Variants in LPA observed in about 807,000 individuals in gnomAD.
The protein encoded by LPA is apolipoprotein(a).
Under a neutral mutation model 197.9 loss-of-function variants are expected in LPA, and 199 were observed. The ratio of observed to expected loss-of-function variants is 1.01; its 90% CI spans 0.90 to 1.13. The LOEUF is 1.13. LPA is among the 50% of genes most tolerant of loss of function. LPA has a pLI of 0.00. For missense variants in LPA, 1,853 were observed against 1,785.8 expected (o/e 1.04, Z -0.68); for synonymous variants, 715 against 639.5 (o/e 1.12, Z -1.78).
At chr6:160,545,072 C>T (rs1287160366) in intron 33 of LPA, among the ~76,000 whole-genome samples, 1 of 151,898 alleles carries the variant, frequency 6.6e-6, no homozygotes, top group Admixed American at 6.6e-5. Flanking sequence ...TTCTCAGCTG[C>T]AGAAGAGGAC....
intron 16 of LPA, among the ~76,000 whole-genome samples, chr6:160,609,644 A>G (rs981097000): frequency 5.3e-5 from 8 of 151,984 alleles, no homozygotes; most frequent in African/African-American, 1.9e-4. Context: ...ATCTACTCCA[A>G]ACTCCCTTGC....
At chr6:160,553,950 TGTGTGCGCGCGCGCGC>T (rs1358224602) in intron 30 of LPA, among the ~76,000 whole-genome samples, 3 of 120,842 alleles carry the variant, frequency 2.5e-5, no homozygotes, top group African/African-American at 1.1e-4. Context: ...TGTGTGTGTG[TGTGTGCGCGCGCGCGC>T]GTGTGCGTGT....
intron 2 of LPA, among the ~76,000 whole-genome samples, chr6:160,648,165 G>T (rs1779937209): frequency 6.6e-6 from 1 of 152,072 alleles, no homozygotes; most frequent in African/African-American, 2.4e-5. Flanking sequence ...ATTCTTTTGT[G>T]TCCAGGTTGC....
At chr6:160,634,828 A>C (rs1476036466) in intron 7 of LPA, among the ~76,000 whole-genome samples, 2 of 150,432 alleles carry the variant, frequency 1.3e-5, no homozygotes, top group African/African-American at 2.5e-5. Context: ...ACAGCACGTT[A>C]CAATAAAAAT....
intron 1 of LPA, among the ~76,000 whole-genome samples, chr6:160,659,126 C>T (rs1214017824): frequency 6.6e-6 from 1 of 152,134 alleles, no homozygotes; most frequent in Non-Finnish European, 1.5e-5. Context: ...GGATCCAGCA[C>T]AGGAGAAAGA....
At chr6:160,609,907 A>T (rs567186820) in intron 16 of LPA, among the ~76,000 whole-genome samples, 13 of 152,148 alleles carry the variant, frequency 8.5e-5, no homozygotes, top group African/African-American at 3.1e-4. Context: ...TGAAACATCT[A>T]AATTTTTCAG....
Position 160,591,203 on chromosome 6 carries a change from T to C in LPA, c.3630-102A>G. 7 of 1,441,756 alleles carry C rather than the reference T, an allele frequency of 4.9e-6. 1 individual carries two copies. The South Asian group carries it at 8.4e-5, about 17-fold the overall frequency. The allele number at this position is 1,441,756 out of a possible 1,614,324, so 89.3% of individuals were successfully genotyped here. A position where few individuals can be genotyped will look rare whatever the true frequency, so the allele number is the denominator to read the frequency against. On this transcript the variant is annotated intron_variant, in intron 22 of 38. Transcript: ENST00000316300. ...TGTAACAAAGTGGTAAAAAGTGACT[T>C]TGAAATATTCTCACTAAAGGTCCTG...
chr6:160,548,536 A>C lies in LPA; in HGVS notation c.5097T>G (p.Thr1699=), dbSNP rs761114407. Residue 1699 remains threonine (T), a synonymous_variant, in exon 31 of 39, where the codon ACT becomes ACG. Coordinates refer to ENST00000316300, the MANE Select transcript of LPA (RefSeq NM_005577.4). ...NLTRCSDTEG[T]VVAPPTVIQV... ...GGATGACAGTCGGAGGAGCGACCAC[A>C]GTCCCTTCTGTGTCTGAGCATCGCG... is the stretch of plus-strand genomic sequence containing the variant. 5.6e-6 allele frequency: 9 copies of C among 1,614,024 alleles called. No individual in the cohort carries two copies. The highest frequency in any genetic ancestry group is 5.3e-5 in the African/African-American group (4 of 74,920).
Position 160,532,576 on chromosome 6 carries a change from C to CT in LPA, c.5915dup (p.Tyr1973ValfsTer5), listed in dbSNP as rs1288654637. 9 of 1,613,266 alleles carry CT rather than the reference C, an allele frequency of 5.6e-6. No individual in the cohort carries two copies. The highest frequency in any genetic ancestry group is 7.6e-6 in the Non-Finnish European group (9 of 1,179,508). On this transcript the variant is annotated frameshift_variant, in exon 38 of 39. Transcript: ENST00000316300. LOFTEE classifies it high-confidence loss of function. ...TGGCCAAATGCTCAGCACAAATATACTTATAGTGATTGCACACTTCATTCT... is the reference window on the plus strand; with the variant it reads ...TGGCCAAATGCTCAGCACAAATATACTTTATAGTGATTGCACACTTCATTCT...
At chr6:160,566,937 G>T (rs560058057) in intron 28 of LPA, among the ~76,000 whole-genome samples, 4 of 152,138 alleles carry the variant, frequency 2.6e-5, no homozygotes, top group Admixed American at 6.5e-5. Flanking sequence ...TTAACAAGAA[G>T]AGCTAACTAT....
intron 16 of LPA, 37 bp from the exon 17 acceptor site, chr6:160,606,695 G>A (rs746933591): frequency 2.5e-6 from 4 of 1,611,322 alleles, no homozygotes; most frequent in Non-Finnish European, 2.5e-6. Context: ...ACAAGAGGTG[G>A]GACAATATGC....
At position 160,611,588 on chromosome 6, in the gene LPA, A is replaced by T. The variant is rs1554239882; in HGVS notation, c.2577T>A (p.Ser859Arg). ...CATTTGGGTAGTATTCTGGGGTCCG[A>T]CTATGCGAGTGTGGTGTCATAGATG... ...AWSSMTPHSHSRTPEYYPNAG... is the reference protein window; with the variant it reads ...AWSSMTPHSHRRTPEYYPNAG... Residue 859 changes from serine to arginine, a missense_variant, in exon 16 of 39, where the codon AGT (serine) becomes AGA (arginine). Transcript: ENST00000316300. The T allele has an allele frequency of 5.0e-6, 8 of 1,604,466 alleles. No individual in the cohort carries two copies. The South Asian group carries it at 8.8e-5, about 18-fold the overall frequency.
rs759753353 is a variant in LPA, at chr6:160,591,055, G to T, written c.3676C>A (p.Pro1226Thr). 6.2e-7 allele frequency: 1 copy of T among 1,613,938 alleles called. No individual in the cohort carries two copies. Among genetic ancestry groups the T allele is most frequent in the Non-Finnish European group, 8.5e-7 (1 of 1,179,914 alleles). ...TTGGGATCCATGGTATAACACCAAG[G>T]ACTAATCTCAGCATCTGGATTCCTG... The part of the protein sequence containing the change: ...YCRNPDAEIS[P>T]WCYTMDPNVR... Residue 1226 changes from proline (P) to threonine (T), a missense_variant, in exon 23 of 39, where the codon CCT becomes ACT. This residue lies in a region of LPA where 1,737 missense variants were observed against 1,504.4 expected (regional missense o/e 1.15). Coordinates refer to ENST00000316300, the MANE Select transcript of LPA (RefSeq NM_005577.4).
At chr6:160,663,073 G>A (rs1022152159) in intron 1 of LPA, among the ~76,000 whole-genome samples, 37 of 152,172 alleles carry the variant, frequency 2.4e-4, no homozygotes, top group South Asian at 4.1e-4. Context: ...ATCCTTGCTC[G>A]CCTCCTCTGT....
chr6:160,548,735 T>C, intron 30 of LPA, 76 bp from the exon 31 acceptor site: 9 of 1,504,332 alleles, frequency 6.0e-6, no homozygotes, highest in Non-Finnish European at 8.3e-6. Flanking sequence ...CTACATTTTG[T>C]TCTAACAAAG....
intron 32 of LPA, among the ~76,000 whole-genome samples, chr6:160,547,016 TG>T (rs1562316766): frequency 6.6e-6 from 1 of 152,170 alleles, no homozygotes; most frequent in African/African-American, 2.4e-5. Flanking sequence ...CCAACTTTTT[TG>T]GCACCAGAGA....
intron 34 of LPA, 97 bp from the exon 35 acceptor site, chr6:160,541,278 C>T (rs1777977815): frequency 2.2e-6 from 2 of 905,178 alleles, no homozygotes; most frequent in Non-Finnish European, 3.6e-6. Flanking sequence ...CAGTTTTGAT[C>T]ATGTTCATAT....
At chr6:160,585,721 T>C (rs1229659668) in intron 25 of LPA, among the ~76,000 whole-genome samples, 1 of 152,046 alleles carries the variant, frequency 6.6e-6, no homozygotes, top group Non-Finnish European at 1.5e-5. Flanking sequence ...ACATTGCCTC[T>C]CAGGGAGAAG....
chr6:160,580,362 G>A (rs1778770221), intron 26 of LPA, among the ~76,000 whole-genome samples: 1 of 152,112 alleles, frequency 6.6e-6, no homozygotes, highest in African/African-American at 2.4e-5. Flanking sequence ...ACATAAAGCT[G>A]CTATGAATAT....
Sources: gnomAD v4.1 joint callset for allele counts (sites outside exome capture counted in the v4.1 genomes callset) on GRCh38, gnomAD v4.1.1 for gene constraint, gnomAD v4.1.1 regional missense constraint, MANE v1.5 for transcripts, NCBI Gene and HGNC (gene_info 2026-07-23, HGNC 2026-07-21) for gene names.